The following IGFN1 variants were observed in gnomAD, a reference collection of about 807,000 sequenced individuals.
IGFN1 encodes immunoglobulin-like and fibronectin type III domain-containing protein 1.
IGFN1 carries 253 observed loss-of-function variants against 289.5 expected under a neutral mutation model. That is an observed-to-expected ratio of 0.87 (90% confidence interval 0.79 to 0.97). The LOEUF (loss-of-function observed/expected upper bound fraction) is 0.97. Among genes scored for constraint, IGFN1 ranks in the 50% least tolerant of loss-of-function variants. IGFN1 has a pLI of 0.00. For missense variants in IGFN1, 4,470 were observed against 4,686.1 expected (o/e 0.95, Z 1.35); for synonymous variants, 1,706 against 1,788.5 (o/e 0.95, Z 1.16).
At chr1:201,203,653 C>A in intron 9 of IGFN1, 85 bp from the exon 10 acceptor site, 1 of 1,322,942 alleles carries the variant, frequency 7.6e-7, no homozygotes, top group Non-Finnish European at 1.0e-6. Flanking sequence ...TGGGAGAAAA[C>A]TGCTGGTTAT....
intron 8 of IGFN1, 130 bp from the exon 9 acceptor site, chr1:201,201,589 T>A: frequency 1.7e-6 from 1 of 577,058 alleles, no homozygotes; most frequent in Non-Finnish European, 3.1e-6. Context: ...CCCCCACTTG[T>A]AAAAGGGGCC....
rs1654153625 is a variant in IGFN1, at chr1:201,227,073, G to A, written c.10978G>A (p.Val3660Met). Reference sequence around the variant, plus strand: ...CCGCAGCCTGGAAGGAAACCCCGCGGTGTACAGCACTGACCTGCTGGGCGT... The same window carrying A: ...CCGCAGCCTGGAAGGAAACCCCGCGATGTACAGCACTGACCTGCTGGGCGT... Reference protein sequence around the residue: ...NDRSLEGNPAVYSTDLLGVCS... With the variant: ...NDRSLEGNPAMYSTDLLGVCS... Residue 3660 changes from valine (V) to methionine (M), a missense_variant, in exon 23 of 24, where the codon GTG becomes ATG. This residue lies in a region of IGFN1 where 2,218 missense variants were observed against 2,114.1 expected (regional missense o/e 1.05). Coordinates refer to ENST00000335211, the MANE Select transcript of IGFN1 (RefSeq NM_001164586.2). The A allele has an allele frequency of 2.5e-6, 4 of 1,613,668 alleles. No individual in the cohort carries two copies. Among genetic ancestry groups the A allele is most frequent in the South Asian group, 2.2e-5 (2 of 91,092 alleles).
chr1:201,208,935 G>A lies in IGFN1; in HGVS notation c.4042G>A (p.Asp1348Asn). 1.3e-6 allele frequency: 2 copies of A among 1,536,364 alleles called. No individual in the cohort carries two copies. Among genetic ancestry groups the A allele is most frequent in the Non-Finnish European group, 1.7e-6 (2 of 1,146,570 alleles). ...SKADYRGGLQ[D>N]SREAGSGSKA... ...GGCAGATTATAGGGGTGGTTTACAG[G>A]ATTCCAGGGAAGCGGGTTCAGGGAG... Residue 1348 changes from aspartate (D) to asparagine (N), a missense_variant, in exon 12 of 24, where the codon GAT (aspartate) becomes AAT (asparagine). Physicochemically the swap from Asp to Asn is conservative, Grantham distance 23 (BLOSUM62 1). Around this residue, in one of 8 missense-constraint regions of IGFN1, gnomAD observed 2,011 missense variants for 1,953.4 expected, o/e 1.03. Coordinates refer to ENST00000335211, the MANE Select transcript of IGFN1 (RefSeq NM_001164586.2).
chr1:201,228,332 G>A, intron 23 of IGFN1, 54 bp from the exon 24 acceptor site: 1 of 1,584,458 alleles, frequency 6.3e-7, no homozygotes, highest in South Asian at 1.1e-5. Flanking sequence ...CTGAACAGAT[G>A]CAGGGTGGGG....
chr1:201,195,726 G>A, intron 3 of IGFN1, 113 bp from the exon 4 acceptor site: 2 of 1,146,374 alleles, frequency 1.7e-6, no homozygotes, highest in Non-Finnish European at 2.4e-6. Flanking sequence ...CTTTTTGGAA[G>A]GGGCAGTTGA....
Position 201,228,389 on chromosome 1 carries a change from C to T in IGFN1, c.11117C>T (p.Pro3706Leu), listed in dbSNP as rs1654251669. 2 of 1,613,948 alleles carry T rather than the reference C, an allele frequency of 1.2e-6. No individual in the cohort carries two copies. Among genetic ancestry groups the T allele is most frequent in the African/African-American group, 2.7e-5 (2 of 74,920 alleles). Residue 3706 changes from proline (P) to leucine (L), a missense_variant, in exon 24 of 24, where the codon CCC becomes CTC. Pro to Leu is a moderately conservative substitution (Grantham distance 98). Around this residue, in one of 8 missense-constraint regions of IGFN1, gnomAD observed 2,218 missense variants for 2,114.1 expected, o/e 1.05. Coordinates refer to ENST00000335211, the MANE Select transcript of IGFN1 (RefSeq NM_001164586.2). ...VSTATLIVIE[P>L]ST Reference sequence around the variant, plus strand: ...TGGAATATCCTGTGTCTTGCAGAACCCAGCACCTAGCCTCACCTCACCCTG... The same window carrying T: ...TGGAATATCCTGTGTCTTGCAGAACTCAGCACCTAGCCTCACCTCACCCTG...
intron 23 of IGFN1, 41 bp from the exon 24 acceptor site, chr1:201,228,345 G>C (rs202185748): frequency 9.9e-6 from 16 of 1,609,658 alleles, no homozygotes; most frequent in Middle Eastern, 1.7e-4. Flanking sequence ...GGGTGGGGTG[G>C]CTGCCCCTCT....
In IGFN1 at chr1:201,208,827, G is replaced by A; in HGVS notation, c.3934G>A (p.Gly1312Ser). The A allele has an allele frequency of 6.5e-7, 1 of 1,536,606 alleles. No individual in the cohort carries two copies. The highest frequency in any genetic ancestry group is 1.2e-5 in the South Asian group (1 of 84,018). Residue 1312 changes from glycine to serine, a missense_variant, in exon 12 of 24, where the codon GGT becomes AGT. Transcript: ENST00000335211. ...SKADYRDGVG[G>S]SGAMGSMDEA... ...GGCAGATTATAGGGATGGTGTAGGG[G>A]GTTCTGGGGCAATGGGGTCAATGGA...
rs1306388360 is a variant in IGFN1, at chr1:201,195,979, G to GAGA, written c.267+1_267+2insAGA. 1 of 1,551,520 alleles carries GAGA rather than the reference G, an allele frequency of 6.4e-7. No homozygotes were observed. Among genetic ancestry groups the GAGA allele is most frequent in the Non-Finnish European group, 8.7e-7 (1 of 1,146,910 alleles). On this transcript the variant is annotated splice_donor_variant, in intron 4 of 23. Coordinates refer to ENST00000335211, the MANE Select transcript of IGFN1 (RefSeq NM_001164586.2). LOFTEE classifies it high-confidence loss of function. Reference sequence around the variant, plus strand: ...TGGCAGCAAGGAGCACGTGCTGCAGGTAAGAACCGTAGCTCTTCCCCTGAC... The same window carrying GAGA: ...TGGCAGCAAGGAGCACGTGCTGCAGGAGATAAGAACCGTAGCTCTTCCCCTGAC...
intron 2 of IGFN1, among the ~76,000 whole-genome samples, 155 bp downstream of exon 2, chr1:201,193,455 T>C (rs1366185797): frequency 6.6e-6 from 1 of 152,134 alleles, no homozygotes; most frequent in African/African-American, 2.4e-5. Context: ...ATTTTTATTG[T>C]TGTTGGCTTT....
intron 18 of IGFN1, among the ~76,000 whole-genome samples, chr1:201,220,010 C>G (rs545327527): frequency 4.8e-4 from 73 of 151,340 alleles, no homozygotes; most frequent in Non-Finnish European, 8.6e-4. Flanking sequence ...TTCTTTCTCT[C>G]TCTCTCTCCC....
chr1:201,216,844 A>G, intron 16 of IGFN1, 91 bp downstream of exon 16: 1 of 1,102,646 alleles, frequency 9.1e-7, no homozygotes, highest in Non-Finnish European at 1.3e-6. Context: ...GCTGAGTGAC[A>G]CCAGCCTGTG....
At chr1:201,218,099 A>G (rs1653449757) in intron 17 of IGFN1, among the ~76,000 whole-genome samples, 1 of 152,234 alleles carries the variant, frequency 6.6e-6, no homozygotes, top group Non-Finnish European at 1.5e-5. Context: ...ACAGGCTCGG[A>G]ACAGCTTGCC....
At position 201,212,733 on chromosome 1, in the gene IGFN1, G is replaced by C. The variant is rs977846298; in HGVS notation, c.7840G>C (p.Gly2614Arg). The change falls in exon 12 of 24, where the codon GGG (glycine) becomes CGG (arginine). Residue 2614 changes from glycine to arginine, a missense_variant. By Grantham distance (125) the Gly-to-Arg change is moderately radical. Coordinates refer to ENST00000335211, the MANE Select transcript of IGFN1 (RefSeq NM_001164586.2). The stretch of plus-strand genomic sequence containing the variant: ...TGGGGGAAGGGGCAAGTCAACATCA[G>C]GGCCTGCTGATAGACAAGGGACGAG... ...MPGGRGKSTSGPADRQGTSNA... is the reference protein window; with the variant it reads ...MPGGRGKSTSRPADRQGTSNA... 2.6e-6 allele frequency: 4 copies of C among 1,551,306 alleles called. No homozygotes were observed. In the African/African-American group the frequency reaches 5.5e-5, roughly 21 times the overall value.
intron 9 of IGFN1, among the ~76,000 whole-genome samples, chr1:201,203,528 G>A (rs1180348498): frequency 3.9e-5 from 6 of 152,164 alleles, no homozygotes; most frequent in African/African-American, 1.2e-4. Flanking sequence ...CATTCCTAGA[G>A]CATGGATTCC....
At chr1:201,216,850 C>T (rs1380562275) in intron 16 of IGFN1, 97 bp downstream of exon 16, 40 of 1,071,898 alleles carry the variant, frequency 3.7e-5, no homozygotes, top group Non-Finnish European at 4.3e-5. Context: ...TGACACCAGC[C>T]TGTGCTCGGG....
Position 201,214,425 on chromosome 1 carries a change from C to A in IGFN1, c.8853+124C>A, listed in dbSNP as rs1372464111. On this transcript the variant is annotated intron_variant, in intron 13 of 23. Transcript: ENST00000335211. ...TTCTTCATTTTGCTAATGTATCCACCTCAGGAGAAGTTTAAATAGCCAATA... is the reference window on the plus strand; with the variant it reads ...TTCTTCATTTTGCTAATGTATCCACATCAGGAGAAGTTTAAATAGCCAATA... 3 of 1,036,988 alleles carry A rather than the reference C, an allele frequency of 2.9e-6. No homozygotes were observed. In the African/African-American group the frequency reaches 4.8e-5, roughly 17 times the overall value. The allele number at this position is 1,036,988 out of a possible 1,614,324, so 64.2% of individuals were successfully genotyped here.
chr1:201,215,465 T>C (rs1223215547), intron 14 of IGFN1, 74 bp from the exon 15 acceptor site: 1 of 1,364,412 alleles, frequency 7.3e-7, no homozygotes, highest in Non-Finnish European at 1.0e-6. Flanking sequence ...AACTTCCTTC[T>C]CTGGGTCCTC....
chr1:201,226,715 G>A lies in IGFN1; in HGVS notation c.10787-167G>A, dbSNP rs538094466. 2.6e-5 allele frequency among the ~76,000 whole-genome samples: 4 copies of A among 152,308 alleles called. No individual in the cohort carries two copies. The South Asian group carries it at 8.3e-4, about 32-fold the overall frequency. The stretch of plus-strand genomic sequence containing the variant: ...AAATCCATAAAGAATTTTAGGAAAA[G>A]GATAGAATGAGGCAAGCCTTGGGGT... On this transcript the variant is annotated intron_variant, in intron 22 of 23. Transcript: ENST00000335211.
Sources: allele counts gnomAD v4.1 joint callset (sites outside exome capture counted in the v4.1 genomes callset), GRCh38; gene constraint gnomAD v4.1.1; regional missense constraint gnomAD v4.1.1; transcripts MANE v1.5; gene names NCBI Gene and HGNC (gene_info 2026-07-23, HGNC 2026-07-21).